Variants in IMMP2L observed in about 807,000 individuals in gnomAD.
IMMP2L encodes mitochondrial inner membrane protease subunit 2.
In IMMP2L, 18 loss-of-function variants were observed where a neutral mutation model predicts 19.3. The observed-to-expected ratio is 0.93, with a 90% CI of 0.64 to 1.38. IMMP2L has a LOEUF of 1.38. IMMP2L is among the 40% of genes most tolerant of loss of function. The pLI is 0.00. For missense variants in IMMP2L, 233 were observed against 218.2 expected (o/e 1.07, Z -0.43); for synonymous variants, 76 against 73.0 (o/e 1.04, Z -0.21).
At chr7:110,885,494 C>T (rs1810127636) in intron 5 of IMMP2L, among the ~76,000 whole-genome samples, 1 of 151,520 alleles carries the variant, frequency 6.6e-6, no homozygotes, top group East Asian at 1.9e-4. Flanking sequence ...ATATTATAAG[C>T]TATTGCAGGG....
At chr7:110,795,509 T>G (rs151004195) in intron 5 of IMMP2L, among the ~76,000 whole-genome samples, 1 of 152,246 alleles carries the variant, frequency 6.6e-6, no homozygotes, top group African/African-American at 2.4e-5. Flanking sequence ...GATACTGTGC[T>G]GACAGTGCTT....
intron 3 of IMMP2L, among the ~76,000 whole-genome samples, chr7:111,264,542 C>T (rs1220706531): frequency 6.6e-6 from 1 of 151,596 alleles, no homozygotes; most frequent in Non-Finnish European, 1.5e-5. Context: ...CAACAGGAAT[C>T]AAATCTGTGA....
intron 3 of IMMP2L, among the ~76,000 whole-genome samples, chr7:110,996,536 G>A (rs1185385935): frequency 6.6e-6 from 1 of 152,080 alleles, no homozygotes; most frequent in Non-Finnish European, 1.5e-5. Flanking sequence ...AATAACATCT[G>A]GGCTGGGTAG....
chr7:111,133,431 A>G (rs1802035711), intron 3 of IMMP2L, among the ~76,000 whole-genome samples: 1 of 152,030 alleles, frequency 6.6e-6, no homozygotes, highest in South Asian at 2.1e-4. Context: ...AAGGTAGATT[A>G]GGGATGGCAT....
intron 4 of IMMP2L, among the ~76,000 whole-genome samples, chr7:110,953,147 T>C (rs1818005218): frequency 6.6e-6 from 1 of 152,150 alleles, no homozygotes; most frequent in South Asian, 2.1e-4. Context: ...AGATAAAATC[T>C]GGTATAAAAT....
intron 3 of IMMP2L, among the ~76,000 whole-genome samples, chr7:111,414,169 G>A (rs1223426454): frequency 6.6e-6 from 1 of 151,750 alleles, no homozygotes; most frequent in African/African-American, 2.4e-5. Context: ...AAGTACACTA[G>A]AACCAGAAAG....
At chr7:110,994,974 C>T (rs1822881357) in intron 3 of IMMP2L, among the ~76,000 whole-genome samples, 1 of 152,072 alleles carries the variant, frequency 6.6e-6, no homozygotes, top group Non-Finnish European at 1.5e-5. Flanking sequence ...AATAAATCTT[C>T]CCAGAAAAGG....
chr7:110,977,575 T>C (rs915210848), intron 3 of IMMP2L, among the ~76,000 whole-genome samples: 1 of 151,996 alleles, frequency 6.6e-6, no homozygotes, highest in Non-Finnish European at 1.5e-5. Flanking sequence ...TTCTGTGAAG[T>C]CTGTGTTGTG....
intron 3 of IMMP2L, among the ~76,000 whole-genome samples, chr7:111,268,488 A>T (rs960604898): frequency 2.5e-4 from 25 of 98,218 alleles, no homozygotes; most frequent in South Asian, 2.7e-4. Context: ...TTTATCTAAT[A>T]AAAAAAAAAA....
intron 4 of IMMP2L, among the ~76,000 whole-genome samples, chr7:110,887,155 A>G (rs544098975): frequency 6.6e-6 from 1 of 152,198 alleles, no homozygotes; most frequent in South Asian, 2.1e-4. Context: ...TAACCTCTTA[A>G]TACTCTAAAT....
At chr7:111,116,236 A>G (rs1799863196) in intron 3 of IMMP2L, among the ~76,000 whole-genome samples, 2 of 152,164 alleles carry the variant, frequency 1.3e-5, no homozygotes, top group Admixed American at 1.3e-4. Flanking sequence ...TTTGTTTATG[A>G]TCTGCATTAA....
At chr7:111,431,195 C>T (rs879696718) in intron 3 of IMMP2L, among the ~76,000 whole-genome samples, 2 of 151,798 alleles carry the variant, frequency 1.3e-5, no homozygotes, top group African/African-American at 4.9e-5. Context: ...GCAGTACCTC[C>T]GTGGCATATG....
In IMMP2L at chr7:111,458,764, T is replaced by C. The variant is rs114756524; in HGVS notation, c.239+28474A>G. 3.7e-3 allele frequency among the ~76,000 whole-genome samples: 561 copies of C among 152,282 alleles called. 7 individuals carry two copies. Among genetic ancestry groups the C allele is most frequent in the African/African-American group, 0.013 (542 of 41,572 alleles). ...TCCACAAGATCAACTAACATTTCCA[T>C]ACTGATGAATCCCCAAAGAACATTT... On this transcript the variant is annotated intron_variant, in intron 3 of 5. Transcript: ENST00000405709.
intron 3 of IMMP2L, among the ~76,000 whole-genome samples, chr7:111,384,270 GAGGAGAA>G (rs1026733936): frequency 5.1e-5 from 7 of 136,568 alleles, no homozygotes; most frequent in Non-Finnish European, 6.3e-5. Context: ...AGAAAGGAGA[GAGGAGAA>G]AGGAGAAAGG....
chr7:110,712,890 C>T (rs1794984536), intron 5 of IMMP2L, among the ~76,000 whole-genome samples: 1 of 139,190 alleles, frequency 7.2e-6, no homozygotes, highest in Admixed American at 7.2e-5. Context: ...CGCACACACA[C>T]TGGCCTGCGC....
At position 110,673,666 on chromosome 7, in the gene IMMP2L, G is replaced by A. The variant is rs571118259; in HGVS notation, c.409-9945C>T. ...GTTCCACAGATCTCTAGGGCAGGGG[G>A]AAAATGCCACCAGTCTCTTTGCTAA... On this transcript the variant is annotated intron_variant, in intron 5 of 5. Coordinates refer to ENST00000405709, the MANE Select transcript of IMMP2L (RefSeq NM_032549.4). 5.9e-5 allele frequency among the ~76,000 whole-genome samples: 9 copies of A among 152,236 alleles called. No homozygotes were observed. The South Asian group carries it at 1.7e-3, about 28-fold the overall frequency.
chr7:111,382,332 T>C (rs1395888956), intron 3 of IMMP2L, among the ~76,000 whole-genome samples: 9 of 151,832 alleles, frequency 5.9e-5, no homozygotes, highest in Non-Finnish European at 1.5e-5. Context: ...CAGAGAAGCA[T>C]TGAAAAGTAT....
chr7:111,158,117 A>G (rs1804846519), intron 3 of IMMP2L, among the ~76,000 whole-genome samples: 1 of 151,930 alleles, frequency 6.6e-6, no homozygotes, highest in Non-Finnish European at 1.5e-5. Context: ...TCTATATACA[A>G]AAATAATACT....
chr7:111,313,795 G>T (rs1173836005), intron 3 of IMMP2L, among the ~76,000 whole-genome samples: 1 of 152,092 alleles, frequency 6.6e-6, no homozygotes. Context: ...GGTCATAGAT[G>T]GTGTATAATT....
Sources: allele counts gnomAD v4.1 joint callset (sites outside exome capture counted in the v4.1 genomes callset), GRCh38; gene constraint gnomAD v4.1.1; transcripts MANE v1.5; gene names NCBI Gene and HGNC (gene_info 2026-07-23, HGNC 2026-07-21).